Variants in SMAD7 observed in about 807,000 individuals in gnomAD.
SMAD7 encodes the protein MAD (mothers against decapentaplegic, Drosophila) homolog 7.
SMAD7 carries 8 observed loss-of-function variants against 38.7 expected under a neutral mutation model. The observed-to-expected ratio is 0.21, with a 90% CI of 0.12 to 0.37. The LOEUF (loss-of-function observed/expected upper bound fraction) is 0.37, where lower values mean the gene tolerates loss of function less well. Among genes scored for constraint, SMAD7 ranks in the 10% least tolerant of loss-of-function variants. SMAD7 has a pLI of 1.00. For missense variants in SMAD7, 477 were observed against 577.9 expected (o/e 0.83, Z 1.79); for synonymous variants, 327 against 265.1 (o/e 1.23, Z -2.27).
At chr18:48,946,085 T>C (rs1442199090) in intron 2 of SMAD7, among the ~76,000 whole-genome samples, 1 of 152,142 alleles carries the variant, frequency 6.6e-6, no homozygotes, top group African/African-American at 2.4e-5. Flanking sequence ...GCCCTCTGTG[T>C]CTCCAAAGGC....
chr18:48,938,869 C>G (rs1462463715), intron 3 of SMAD7, among the ~76,000 whole-genome samples: 1 of 152,196 alleles, frequency 6.6e-6, no homozygotes, highest in Non-Finnish European at 1.5e-5. Context: ...TGAGCCATGA[C>G]ACATCCATGT....
In SMAD7 at chr18:48,948,377, T is replaced by C; in HGVS notation, c.667+7A>G. 1 of 1,580,654 alleles carries C rather than the reference T, an allele frequency of 6.3e-7. No individual in the cohort carries two copies. Among genetic ancestry groups the C allele is most frequent in the Non-Finnish European group, 8.6e-7 (1 of 1,156,538 alleles). ...TAAGCAGGATATTTTAAAAATCATCTACTCACCAGTTGGTTTGAGAAAATC... is the reference window on the plus strand; with the variant it reads ...TAAGCAGGATATTTTAAAAATCATCCACTCACCAGTTGGTTTGAGAAAATC... On this transcript the variant is annotated splice_region_variant and intron_variant, in intron 2 of 3. Coordinates refer to ENST00000262158, the MANE Select transcript of SMAD7 (RefSeq NM_005904.4).
At chr18:48,932,475 T>C (rs1021060110) in intron 3 of SMAD7, among the ~76,000 whole-genome samples, 2 of 152,184 alleles carry the variant, frequency 1.3e-5, no homozygotes, top group Non-Finnish European at 2.9e-5. Context: ...CTTTGCAAGA[T>C]GAAATTGGAA....
chr18:48,928,461 T>A (rs936606224), intron 3 of SMAD7, among the ~76,000 whole-genome samples: 2 of 152,192 alleles, frequency 1.3e-5, no homozygotes, highest in African/African-American at 4.8e-5. Flanking sequence ...TTTTTTTCTT[T>A]AATTTCAGAG....
At chr18:48,949,476 G>T in intron 1 of SMAD7, 1 of 180,812 alleles carries the variant, frequency 5.5e-6, no homozygotes, top group Non-Finnish European at 1.1e-5. Flanking sequence ...ACCTCCCTCT[G>T]CACCCCCTTG....
chr18:48,928,924 G>A (rs562041559), intron 3 of SMAD7, among the ~76,000 whole-genome samples: 2 of 152,220 alleles, frequency 1.3e-5, no homozygotes, highest in South Asian at 4.2e-4. Context: ...CGCCAGTCAG[G>A]CTGACGCGGC....
intron 2 of SMAD7, among the ~76,000 whole-genome samples, chr18:48,944,096 G>T (rs1173031810): frequency 1.3e-5 from 2 of 152,072 alleles, no homozygotes; most frequent in African/African-American, 4.8e-5. Flanking sequence ...GAAAACAATA[G>T]AGGCAGGCAG....
chr18:48,938,742 T>C (rs1197240351), intron 3 of SMAD7, among the ~76,000 whole-genome samples: 1 of 152,144 alleles, frequency 6.6e-6, no homozygotes, highest in Non-Finnish European at 1.5e-5. Flanking sequence ...TTCCAACACA[T>C]GCTCTGCATT....
In SMAD7 at chr18:48,950,474, C is replaced by G; in HGVS notation, c.-50G>C. The G allele has an allele frequency of 1.3e-6, 2 of 1,510,420 alleles. No individual in the cohort carries two copies. Among genetic ancestry groups the G allele is most frequent in the Non-Finnish European group, 1.8e-6 (2 of 1,127,096 alleles). The allele number at this position is 1,510,420 out of a possible 1,614,324, so 93.6% of individuals were successfully genotyped here. A position where few individuals can be genotyped will look rare whatever the true frequency, so the allele number is the denominator to read the frequency against. ...AGTCGTTTGCCTGCTAAGGAGCGAA[C>G]ATGACCTCCGCACACCATGAAGAAG... On this transcript the variant is annotated 5_prime_UTR_variant, in exon 1 of 4. The change abolishes an upstream ATG in the 5' untranslated region. Coordinates refer to ENST00000262158, the MANE Select transcript of SMAD7 (RefSeq NM_005904.4).
At chr18:48,937,263 C>CGTGTGTGTGTGT (rs1416134181) in intron 3 of SMAD7, among the ~76,000 whole-genome samples, 156 of 69,100 alleles carry the variant, frequency 2.3e-3, no homozygotes, top group South Asian at 0.017. Context: ...TAAGTAAAGG[C>CGTGTGTGTGTGT]ATGTGTGTGT....
intron 1 of SMAD7, chr18:48,949,218 G>A (rs990280203): frequency 1.1e-4 from 98 of 921,334 alleles, no homozygotes; most frequent in Non-Finnish European, 1.2e-4. Flanking sequence ...GAGTTGAAAG[G>A]AGACAGATAC....
intron 3 of SMAD7, among the ~76,000 whole-genome samples, chr18:48,940,572 G>A (rs1161256033): frequency 6.6e-6 from 1 of 152,110 alleles, no homozygotes; most frequent in Non-Finnish European, 1.5e-5. Flanking sequence ...CCAACATGGC[G>A]AAACCCCATC....
chr18:48,945,742 C>T (rs979217201), intron 2 of SMAD7, among the ~76,000 whole-genome samples: 8 of 152,154 alleles, frequency 5.3e-5, no homozygotes, highest in African/African-American at 1.4e-4. Flanking sequence ...CTCAAGAGCT[C>T]ACCCAGCAAC....
chr18:48,942,738 C>T lies in SMAD7; in HGVS notation c.668-183G>A, dbSNP rs984924541. The T allele has an allele frequency of 1.7e-4, 246 of 1,459,782 alleles. 2 individuals carry two copies. Among genetic ancestry groups the T allele is most frequent in the South Asian group, 5.1e-4 (37 of 73,182 alleles). The allele number at this position is 1,459,782 out of a possible 1,614,324, so 90.4% of individuals were successfully genotyped here. On this transcript the variant is annotated intron_variant, in intron 2 of 3. Transcript: ENST00000262158. ...TCACTGCCCATCGTAAGACAGACCA[C>T]AGCACCTTGTCACCCGTCTGGGCTC...
chr18:48,948,002 A>G (rs1436965369), intron 2 of SMAD7, among the ~76,000 whole-genome samples: 1 of 151,236 alleles, frequency 6.6e-6, no homozygotes, highest in Non-Finnish European at 1.5e-5. Flanking sequence ...CATCTATCGA[A>G]TCACCCTTTC....
At chr18:48,944,490 G>T (rs2070175425) in intron 2 of SMAD7, among the ~76,000 whole-genome samples, 1 of 152,194 alleles carries the variant, frequency 6.6e-6, no homozygotes, top group South Asian at 2.1e-4. Flanking sequence ...CGTTAATTAA[G>T]CCTCCCTACC....
chr18:48,941,666 T>C (rs2337109), intron 3 of SMAD7, among the ~76,000 whole-genome samples: 27,739 of 152,222 alleles, frequency 0.18, 5,094 homozygotes, highest in African/African-American at 0.47. Context: ...GAAAATCTAG[T>C]GATGACATGG....
chr18:48,934,141 GCC>G (rs1030106357), intron 3 of SMAD7, among the ~76,000 whole-genome samples: 1 of 152,146 alleles, frequency 6.6e-6, no homozygotes, highest in African/African-American at 2.4e-5. Context: ...GCTGTGATAA[GCC>G]CCCTCTCTGG....
chr18:48,950,299 C>T lies in SMAD7; in HGVS notation c.126G>A (p.Ala42=), dbSNP rs1348182205. The change falls in exon 1 of 4, where the codon GCG becomes GCA. Residue 42 remains alanine (A), a synonymous_variant. Transcript: ENST00000262158. ...CGGCCCCATGCGCTCGGCTGTCCGT[C>T]GCCCCTTCTCCCCGCAGCTCGCCTC... ...GGGGELRGEG[A]TDSRAHGAGG... is the part of the protein sequence containing the mutation. The T allele has an allele frequency of 1.1e-5, 17 of 1,532,330 alleles. No individual in the cohort carries two copies. Among genetic ancestry groups the T allele is most frequent in the African/African-American group, 1.4e-5 (1 of 71,024 alleles). The allele number at this position is 1,532,330 out of a possible 1,614,324, so 94.9% of individuals were successfully genotyped here. A position where few individuals can be genotyped will look rare whatever the true frequency, so the allele number is the denominator to read the frequency against.
Sources: allele counts gnomAD v4.1 joint callset (sites outside exome capture counted in the v4.1 genomes callset), GRCh38; gene constraint gnomAD v4.1.1; transcripts MANE v1.5; gene names NCBI Gene and HGNC (gene_info 2026-07-23, HGNC 2026-07-21).